TPO: variants seen among roughly 807,000 people sequenced by gnomAD.
TPO encodes the protein thyroid microsomal antigen.
A neutral mutation model predicts 96.9 loss-of-function variants in TPO; 78 were observed. The ratio of observed to expected loss-of-function variants is 0.81; its 90% CI spans 0.67 to 0.97. The LOEUF (loss-of-function observed/expected upper bound fraction) is 0.97. Ranked by LOEUF, TPO falls within the 50% of genes least tolerant of loss-of-function variation. The probability of loss-of-function intolerance (pLI) is 0.00; values close to 1 mark genes in which losing one functional copy is unlikely to be tolerated. For synonymous variants in TPO, 547 were observed against 538.0 expected (o/e 1.02, Z -0.23); for missense variants, 1,252 against 1,274.8 (o/e 0.98, Z 0.27).
At chr2:1,509,439 C>T (rs1200418741) in intron 14 of TPO, among the ~76,000 whole-genome samples, 1 of 151,544 alleles carries the variant, frequency 6.6e-6, no homozygotes, top group African/African-American at 2.4e-5. Context: ...TCAGGGACAC[C>T]ACATCCTCCT....
chr2:1,537,929 A>C (rs1187863703), intron 15 of TPO, among the ~76,000 whole-genome samples: 14 of 63,520 alleles, frequency 2.2e-4, no homozygotes, highest in East Asian at 5.6e-4. Context: ...AATTTCCCCC[A>C]CTCTGCAACC....
Position 1,542,563 on chromosome 2 carries a change from G to A in TPO, c.*89G>A, listed in dbSNP as rs751907882. 2.5e-6 allele frequency: 4 copies of A among 1,586,038 alleles called. No individual in the cohort carries two copies. Among genetic ancestry groups the A allele is most frequent in the Non-Finnish European group, 3.4e-6 (4 of 1,165,344 alleles). On this transcript the variant is annotated 3_prime_UTR_variant, in exon 17 of 17. Transcript: ENST00000329066. ...CCAAACACAGGCAAATCCGAAATCA[G>A]CAGGACGACTGTTTTCCCAACACGG...
intron 14 of TPO, among the ~76,000 whole-genome samples, chr2:1,508,025 C>T (rs1673666181): frequency 2.0e-5 from 3 of 152,072 alleles, no homozygotes; most frequent in Non-Finnish European, 2.9e-5. Flanking sequence ...GTGGGTTTGT[C>T]ATAGATAGCT....
intron 7 of TPO, among the ~76,000 whole-genome samples, chr2:1,471,221 C>T (rs1669374742): frequency 6.6e-6 from 1 of 152,114 alleles, no homozygotes; most frequent in African/African-American, 2.4e-5. Context: ...GTCCTGATAA[C>T]CTCTGGGGTG....
chr2:1,425,439 T>C (rs957596262), intron 3 of TPO, among the ~76,000 whole-genome samples: 18 of 152,020 alleles, frequency 1.2e-4, no homozygotes, highest in Non-Finnish European at 2.5e-4. Context: ...GTAAAGTCAT[T>C]GTTCTAGATA....
intron 15 of TPO, among the ~76,000 whole-genome samples, chr2:1,527,126 A>G (rs1160631658): frequency 1.6e-5 from 1 of 61,844 alleles, no homozygotes; most frequent in East Asian, 6.7e-4. Context: ...AAATACCCCC[A>G]CTGTGTGCAA....
At chr2:1,403,699 G>A (rs1225682248) in intron 1 of TPO, among the ~76,000 whole-genome samples, 1 of 152,212 alleles carries the variant, frequency 6.6e-6, no homozygotes, top group Non-Finnish European at 1.5e-5. Context: ...GTGGTCCCGT[G>A]ACAGTCCCGA....
At chr2:1,375,231 A>G (rs1661705129) in intron 1 of TPO, among the ~76,000 whole-genome samples, 1 of 152,122 alleles carries the variant, frequency 6.6e-6, no homozygotes, top group African/African-American at 2.4e-5. Flanking sequence ...GATGGGCTCG[A>G]CTCAGACCTA....
At chr2:1,503,260 C>T (rs1247117964) in intron 13 of TPO, among the ~76,000 whole-genome samples, 2 of 152,228 alleles carry the variant, frequency 1.3e-5, no homozygotes, top group African/African-American at 4.8e-5. Context: ...CCAGACAGAG[C>T]AGCTCCTGGA....
At chr2:1,381,216 T>G (rs1453275789) in intron 1 of TPO, among the ~76,000 whole-genome samples, 1 of 151,942 alleles carries the variant, frequency 6.6e-6, no homozygotes, top group African/African-American at 2.4e-5. Context: ...ATCATCAGAG[T>G]GAACAGGCAA....
intron 10 of TPO, among the ~76,000 whole-genome samples, chr2:1,491,966 C>T (rs973310580): frequency 2.0e-5 from 3 of 152,112 alleles, no homozygotes; most frequent in Non-Finnish European, 4.4e-5. Flanking sequence ...CAGCTTCTCA[C>T]GGGGGCTCGG....
chr2:1,395,926 C>A (rs900962013), intron 1 of TPO, among the ~76,000 whole-genome samples: 3 of 152,228 alleles, frequency 2.0e-5, no homozygotes, highest in African/African-American at 7.2e-5. Flanking sequence ...CCATGTGGAA[C>A]TGTGAGTCCA....
Position 1,540,652 on chromosome 2 carries a change from G to A in TPO, c.2677G>A (p.Glu893Lys), listed in dbSNP as rs1558447752. 1.9e-6 allele frequency: 3 copies of A among 1,613,480 alleles called. No homozygotes were observed. Among genetic ancestry groups the A allele is most frequent in the East Asian group, 4.5e-5 (2 of 44,864 alleles). The change falls in exon 16 of 17, where the codon GAG becomes AAG. Residue 893 changes from glutamate to lysine, a missense_variant. Coordinates refer to ENST00000329066, the MANE Select transcript of TPO (RefSeq NM_001206744.2). The part of the protein sequence containing the change: ...PISETGGGTP[E>K]LRCGKHQAVG... ...CTCGGAGACAGGCGGAGGAACTCCC[G>A]AGCTGAGATGCGGAAAGCACCAGGC...
Position 1,458,648 on chromosome 2 carries a change from C to T in TPO, c.819+2366C>T, listed in dbSNP as rs911000031. On this transcript the variant is annotated intron_variant, in intron 7 of 16. Coordinates refer to ENST00000329066, the MANE Select transcript of TPO (RefSeq NM_001206744.2). Reference sequence around the variant, plus strand: ...TTTATAGCATATTAGTTTGTGGGCACGTGTGTAAATAGAGCCTATTATCCC... The same window carrying T: ...TTTATAGCATATTAGTTTGTGGGCATGTGTGTAAATAGAGCCTATTATCCC... Among the ~76,000 whole-genome samples, 10 of 152,108 alleles carry T rather than the reference C, an allele frequency of 6.6e-5. No homozygotes were observed. The East Asian group carries it at 7.7e-4, about 12-fold the overall frequency.
intron 15 of TPO, among the ~76,000 whole-genome samples, chr2:1,533,214 TATCCC>T (rs1678752890): frequency 1.6e-4 from 1 of 6,292 alleles, no homozygotes; most frequent in African/African-American, 9.8e-4. Context: ...TATCCCCCCA[TATCCC>T]CCCACTGTGA....
At position 1,381,136 on chromosome 2, in the gene TPO, G is replaced by A. The variant is rs182325497; in HGVS notation, n.180+6734G>A. Among the ~76,000 whole-genome samples, 314 of 152,204 alleles carry A rather than the reference G, an allele frequency of 2.1e-3. 2 individuals carry two copies. Among genetic ancestry groups the A allele is most frequent in the African/African-American group, 7.2e-3 (300 of 41,526 alleles). The stretch of plus-strand genomic sequence containing the variant: ...AGACTTCGTGACTAAAACACCAAAA[G>A]CAATGGCAATTAAAGCCAGAATTGA... On this transcript the variant is annotated intron_variant and non_coding_transcript_variant, in intron 1 of 5. Coordinates refer to the TPO transcript ENST00000497517.
At position 1,543,665 on chromosome 2, in the gene TPO, A is replaced by AAAAT. The variant is rs1680948609; in HGVS notation, c.*1195_*1198dup. On this transcript the variant is annotated 3_prime_UTR_variant, in exon 17 of 17. Coordinates refer to ENST00000329066, the MANE Select transcript of TPO (RefSeq NM_001206744.2). ...ATGATTTCATAATTAAAACAATATT[A>AAAAT]AAATAAAACTCATGAATGATTTCAT... 6.6e-6 allele frequency: 1 copy of AAAAT among 150,854 alleles called. No homozygotes were observed. Among genetic ancestry groups the AAAAT allele is most frequent in the East Asian group, 1.9e-4 (1 of 5,178 alleles). The allele number at this position is 150,854 out of a possible 1,614,324, so 9.3% of individuals were successfully genotyped here.
At chr2:1,511,835 G>A (rs1300072088) in intron 14 of TPO, among the ~76,000 whole-genome samples, 1 of 152,190 alleles carries the variant, frequency 6.6e-6, no homozygotes, top group African/African-American at 2.4e-5. Context: ...GATTCAGCAT[G>A]AGAATCTGGG....
rs1349089162 is a variant in TPO, at chr2:1,476,964, A to G, written c.820-122A>G. 8 of 1,291,588 alleles carry G rather than the reference A, an allele frequency of 6.2e-6. No homozygotes were observed. In the East Asian group the frequency reaches 2.0e-4, roughly 33 times the overall value. 80.0% of individuals were successfully genotyped at this position (1,291,588 alleles called of 1,614,324 possible). A position where few individuals can be genotyped will look rare whatever the true frequency, so the allele number is the denominator to read the frequency against. ...GGGGACTGGCTGGACTGACCCCTAC[A>G]GAGGACTGGAGGGGCAGAGAAACGT... On this transcript the variant is annotated intron_variant, in intron 7 of 16. Transcript: ENST00000329066.
Sources: allele counts gnomAD v4.1 joint callset (sites outside exome capture counted in the v4.1 genomes callset), GRCh38; gene constraint gnomAD v4.1.1; transcripts MANE v1.5; gene names NCBI Gene and HGNC (gene_info 2026-07-23, HGNC 2026-07-21).